SLIT3: variants seen among roughly 807,000 people sequenced by gnomAD.
SLIT3 encodes slit homolog 3 protein.
A neutral mutation model predicts 184.0 loss-of-function variants in SLIT3; 68 were observed. That is an observed-to-expected ratio of 0.37 (90% CI 0.30 to 0.45). The LOEUF (loss-of-function observed/expected upper bound fraction) is 0.45. Among genes scored for constraint, SLIT3 ranks in the 20% least tolerant of loss-of-function variants. The pLI, the probability that SLIT3 is intolerant of heterozygous loss-of-function variation, is 1.00. For missense variants in SLIT3, 1,707 were observed against 2,026.0 expected, an observed-to-expected ratio of 0.84 and a Z score of 3.02; for synonymous variants, 831 against 828.6, an observed-to-expected ratio of 1.00 and a Z score of -0.05.
chr5:168,760,490 A>C (rs568170754), intron 16 of SLIT3, among the ~76,000 whole-genome samples: 2 of 152,178 alleles, frequency 1.3e-5, no homozygotes, highest in South Asian at 4.1e-4. Context: ...GTCACCACAC[A>C]AAAATTGCCA....
At chr5:169,085,188 G>A (rs1488339568) in intron 4 of SLIT3, among the ~76,000 whole-genome samples, 1 of 152,092 alleles carries the variant, frequency 6.6e-6, no homozygotes, top group East Asian at 1.9e-4. Flanking sequence ...CTGGGCTCCT[G>A]GAAAAACACA....
At chr5:168,995,567 G>A (rs1301121960) in intron 4 of SLIT3, 2 of 152,172 alleles carry the variant, frequency 1.3e-5, no homozygotes, top group Admixed American at 1.3e-4. Flanking sequence ...AAAACCTTGG[G>A]TAATCTACTG....
chr5:168,962,514 G>C (rs757839169), intron 4 of SLIT3, among the ~76,000 whole-genome samples: 22 of 151,692 alleles, frequency 1.5e-4, no homozygotes, highest in Non-Finnish European at 2.9e-5. Context: ...TCTATATTCC[G>C]TGTGCTGATG....
intron 1 of SLIT3, chr5:169,263,498 T>C (rs1766270383): frequency 1.5e-5 from 6 of 397,948 alleles, no homozygotes; most frequent in South Asian, 1.1e-4. Flanking sequence ...CCCCTGCAGA[T>C]TTCAGAAGGA....
intron 1 of SLIT3, among the ~76,000 whole-genome samples, chr5:169,257,296 C>CT (rs1016417719): frequency 6.6e-6 from 1 of 152,010 alleles, no homozygotes; most frequent in African/African-American, 2.4e-5. Context: ...GGATGGGAAA[C>CT]TGAAAGAACC....
chr5:168,857,005 T>C (rs1758905962), intron 5 of SLIT3, among the ~76,000 whole-genome samples: 2 of 151,580 alleles, frequency 1.3e-5, no homozygotes, highest in South Asian at 4.2e-4. Context: ...GTGAAAATGG[T>C]GAGTAGTTTT....
chr5:169,279,663 T>C (rs1766930638), intron 1 of SLIT3, among the ~76,000 whole-genome samples: 1 of 152,250 alleles, frequency 6.6e-6, no homozygotes, highest in African/African-American at 2.4e-5. Context: ...TCATATTTTA[T>C]TCATTTTATA....
Position 168,806,598 on chromosome 5 carries a change from A to G in SLIT3, c.794-11T>C. The G allele has an allele frequency of 6.2e-7, 1 of 1,614,064 alleles. No homozygotes were observed. Among genetic ancestry groups the G allele is most frequent in the Non-Finnish European group, 8.5e-7 (1 of 1,179,950 alleles). On this transcript the variant is annotated splice_polypyrimidine_tract_variant and intron_variant, in intron 8 of 35. Coordinates refer to ENST00000519560, the MANE Select transcript of SLIT3 (RefSeq NM_003062.4). The stretch of plus-strand genomic sequence containing the variant: ...GCTCCGAGTGGGGGGCTGTGGAGCC[A>G]AGACACAACGGTCAACTTATGTCAG...
At chr5:168,962,925 C>T (rs971881066) in intron 4 of SLIT3, among the ~76,000 whole-genome samples, 3 of 152,200 alleles carry the variant, frequency 2.0e-5, no homozygotes, top group East Asian at 1.9e-4. Context: ...TCACAGCAGC[C>T]GTTCCTTCCC....
At chr5:168,668,328 GGGGCCT>G (rs1223747427) in intron 35 of SLIT3, among the ~76,000 whole-genome samples, 3 of 152,180 alleles carry the variant, frequency 2.0e-5, no homozygotes, top group Admixed American at 1.3e-4. Flanking sequence ...GGGCTGGGGT[GGGGCCT>G]GGGAGCCCCA....
At chr5:169,187,114 T>TTTTTTTTG (rs1763374061) in intron 4 of SLIT3, among the ~76,000 whole-genome samples, 1 of 120,212 alleles carries the variant, frequency 8.3e-6, no homozygotes, top group Non-Finnish European at 1.9e-5. Context: ...GCTATAGGTT[T>TTTTTTTTG]TTTTTTTTTT....
At chr5:168,921,391 A>C (rs1761631060) in intron 4 of SLIT3, among the ~76,000 whole-genome samples, 2 of 152,150 alleles carry the variant, frequency 1.3e-5, no homozygotes, top group Admixed American at 1.3e-4. Flanking sequence ...AGCCAACCTC[A>C]AGTTCACATC....
intron 23 of SLIT3, among the ~76,000 whole-genome samples, chr5:168,719,012 T>C (rs1286033203): frequency 5.3e-5 from 8 of 152,240 alleles, no homozygotes; most frequent in Non-Finnish European, 1.5e-5. Flanking sequence ...TCCAACTCCC[T>C]CAGTTGTAAA....
chr5:168,692,429 C>T (rs1761936266), intron 29 of SLIT3, among the ~76,000 whole-genome samples, 178 bp downstream of exon 29: 1 of 152,126 alleles, frequency 6.6e-6, no homozygotes, highest in Non-Finnish European at 1.5e-5. Flanking sequence ...CACAGACAGA[C>T]AGAGGCACGC....
intron 4 of SLIT3, among the ~76,000 whole-genome samples, chr5:168,948,363 G>A (rs1762553170): frequency 6.6e-6 from 1 of 152,146 alleles, no homozygotes; most frequent in Non-Finnish European, 1.5e-5. Context: ...AGGCTCCGTT[G>A]GAACAGGCAG....
chr5:169,281,337 G>A (rs1484547933), intron 1 of SLIT3, among the ~76,000 whole-genome samples: 4 of 152,114 alleles, frequency 2.6e-5, no homozygotes, highest in South Asian at 2.1e-4. Context: ...TTAGCTGGGC[G>A]TGGTGACGGG....
At chr5:169,199,121 T>C (rs1182280220) in intron 3 of SLIT3, among the ~76,000 whole-genome samples, 1 of 152,092 alleles carries the variant, frequency 6.6e-6, no homozygotes, top group South Asian at 2.1e-4. Context: ...AAAAGTGTTC[T>C]TGGGTAACTA....
At chr5:168,923,792 A>C (rs1164510195) in intron 4 of SLIT3, among the ~76,000 whole-genome samples, 2 of 152,228 alleles carry the variant, frequency 1.3e-5, no homozygotes, top group East Asian at 3.9e-4. Flanking sequence ...CTGGGATTAC[A>C]GGCATGAGCC....
At chr5:169,273,400 G>A (rs528403773) in intron 1 of SLIT3, among the ~76,000 whole-genome samples, 11 of 152,264 alleles carry the variant, frequency 7.2e-5, no homozygotes, top group Admixed American at 5.2e-4. Flanking sequence ...CTGCACACAT[G>A]TACATGTGTA....
Sources: gnomAD v4.1 joint callset for allele counts (sites outside exome capture counted in the v4.1 genomes callset) on GRCh38, gnomAD v4.1.1 for gene constraint, MANE v1.5 for transcripts, NCBI Gene and HGNC (gene_info 2026-07-23, HGNC 2026-07-21) for gene names.